Variants in CEBPZOS observed in about 807,000 individuals in gnomAD.
CEBPZOS encodes the protein protein CEBPZOS.
Under a neutral mutation model 4.8 loss-of-function variants are expected in CEBPZOS, and 10 were observed. The observed-to-expected ratio is 2.07, with a 90% CI of 1.28 to 3.52. CEBPZOS has a LOEUF of 3.52. Ranked by LOEUF, CEBPZOS falls within the 30% of genes most tolerant of loss-of-function variation. The pLI, the probability that CEBPZOS is intolerant of heterozygous loss-of-function variation, is 0.00. For missense variants in CEBPZOS, 98 were observed against 43.6 expected (o/e 2.25, Z -3.51); for synonymous variants, 25 against 14.2 (o/e 1.77, Z -1.72).
rs1169764035 is a variant in CEBPZOS, at chr2:37,201,084, T to A, written c.152T>A (p.Ile51Asn). The A allele has an allele frequency of 7.0e-6, 5 of 715,956 alleles. No individual in the cohort carries two copies. The highest frequency in any genetic ancestry group is 3.5e-5 in the African/African-American group (2 of 57,234). The allele number at this position is 715,956 out of a possible 1,614,324, so 44.4% of individuals were successfully genotyped here. The stretch of plus-strand genomic sequence containing the variant: ...ACAATGAGCAAGAAATATCCCTTCA[T>A]CTTGGAAGGTATGTTTTTCCTTAAG... ...RQTMSKKYPF[I>N]LEVYYKSTEK... The change falls in exon 3 of 5, where the codon ATC becomes AAC. Residue 51 changes from isoleucine (I) to asparagine (N), a missense_variant. By Grantham distance (149) the Ile-to-Asn change is moderately radical. Transcript: ENST00000402297.
chr2:37,207,744 C>T (rs1228542429), downstream of CEBPZOS, among the ~76,000 whole-genome samples: 1 of 152,036 alleles, frequency 6.6e-6, no homozygotes, highest in African/African-American at 2.4e-5. Context: ...CCTCAAGGAA[C>T]TAGAGAAACA....
chr2:37,210,616 TG>T lies in CEBPZOS; in HGVS notation c.*3-2815del, dbSNP rs536515218. On this transcript the variant is annotated intron_variant, in intron 4 of 4. Transcript: ENST00000397064. ...AATGATATAATGGACTCTGGGGACT[TG>T]GGGGGAAGAGTGGGAGGCAGTGGGG... 695 of 160,596 alleles carry T rather than the reference TG, an allele frequency of 4.3e-3. 1 individual carries two copies. The highest frequency in any genetic ancestry group is 6.3e-3 in the Non-Finnish European group (466 of 73,804). 9.9% of individuals were successfully genotyped at this position (160,596 alleles called of 1,614,324 possible). A position where few individuals can be genotyped will look rare whatever the true frequency, so the allele number is the denominator to read the frequency against.
chr2:37,208,194 G>C (rs1193304598), downstream of CEBPZOS, among the ~76,000 whole-genome samples: 1 of 152,142 alleles, frequency 6.6e-6, no homozygotes, highest in African/African-American at 2.4e-5. Flanking sequence ...GGACCAGATG[G>C]ATTCACAGCT....
downstream of CEBPZOS, chr2:37,215,035 A>C (rs371564181): frequency 1.2e-6 from 1 of 863,284 alleles, no homozygotes; most frequent in African/African-American, 1.7e-5. Context: ...AATACAGCAT[A>C]ATCTGTAATT....
At chr2:37,214,783 T>C, downstream of CEBPZOS, 2 of 708,248 alleles carry the variant, frequency 2.8e-6, no homozygotes, top group Non-Finnish European at 2.4e-6. Context: ...CACACAGTAG[T>C]AGATTATTGA....
chr2:37,214,956 C>G (rs746626817), downstream of CEBPZOS: 1 of 1,596,074 alleles, frequency 6.3e-7, no homozygotes, highest in Non-Finnish European at 8.6e-7. Context: ...CTGTTCACTA[C>G]AAAAATAAAT....
rs1233129275 is a variant in CEBPZOS, at chr2:37,204,270, A to G, written c.*2410A>G. ...AAGTATGTAACACCATGCCTGGCTA[A>G]TTTTTGATTTTTTTTTTTTTTTTTT... On this transcript the variant is annotated 3_prime_UTR_variant, in exon 5 of 5. Transcript: ENST00000402297. 3.5e-5 allele frequency: 5 copies of G among 142,876 alleles called. No homozygotes were observed. Among genetic ancestry groups the G allele is most frequent in the Non-Finnish European group, 7.5e-5 (5 of 66,432 alleles). The allele number at this position is 142,876 out of a possible 1,614,324, so 8.9% of individuals were successfully genotyped here.
At chr2:37,211,596 G>C (rs939665115) in intron 4 of CEBPZOS, 5 of 437,370 alleles carry the variant, frequency 1.1e-5, no homozygotes, top group Middle Eastern at 5.8e-4. Flanking sequence ...GTATTGTACA[G>C]AGAAGCTAGC....
At chr2:37,209,413 C>G (rs1350555284), downstream of CEBPZOS, 1 of 152,110 alleles carries the variant, frequency 6.6e-6, no homozygotes, top group Non-Finnish European at 1.5e-5. Flanking sequence ...GCTATTGTTA[C>G]CAAAATAGCA....
At chr2:37,216,119 C>A (rs551071308), downstream of CEBPZOS, 2 of 1,556,904 alleles carry the variant, frequency 1.3e-6, no homozygotes, top group African/African-American at 1.4e-5. Context: ...TCAGTTTCAA[C>A]TGTCTAAGGT....
At position 37,198,846 on chromosome 2, in the gene CEBPZOS, T is replaced by C. The variant is rs112083912; in HGVS notation, c.-1-858T>C. On this transcript the variant is annotated intron_variant, in intron 1 of 4. Transcript: ENST00000402297. ...AGTTTCCATCCCCTGCCCCCATTTGTATAAAAATTACTGCGTGTCTGCGAA... is the reference window on the plus strand; with the variant it reads ...AGTTTCCATCCCCTGCCCCCATTTGCATAAAAATTACTGCGTGTCTGCGAA... Among the ~76,000 whole-genome samples, 702 of 152,232 alleles carry C rather than the reference T, an allele frequency of 4.6e-3. 6 individuals carry two copies. Among genetic ancestry groups the C allele is most frequent in the African/African-American group, 0.016 (683 of 41,536 alleles).
intron 1 of CEBPZOS, among the ~76,000 whole-genome samples, chr2:37,199,420 A>G (rs1677103509): frequency 6.6e-6 from 1 of 152,232 alleles, no homozygotes; most frequent in African/African-American, 2.4e-5. Flanking sequence ...ACAATTAAAT[A>G]ATTTTAGTTC....
chr2:37,205,546 G>A (rs922599958), downstream of CEBPZOS, among the ~76,000 whole-genome samples: 12 of 151,910 alleles, frequency 7.9e-5, no homozygotes, highest in African/African-American at 2.7e-4. Flanking sequence ...CTCTCTTTTC[G>A]GACTCAGCCC....
At chr2:37,204,981 T>G (rs1352108527), downstream of CEBPZOS, among the ~76,000 whole-genome samples, 1 of 152,182 alleles carries the variant, frequency 6.6e-6, no homozygotes, top group Non-Finnish European at 1.5e-5. Context: ...AAGCAACACT[T>G]TTCTGTGGGA....
intron 1 of CEBPZOS, among the ~76,000 whole-genome samples, chr2:37,198,881 T>C (rs994290556): frequency 6.6e-6 from 1 of 152,172 alleles, no homozygotes. Flanking sequence ...AAGGGCAGAT[T>C]ACTGGCTCAT....
In CEBPZOS at chr2:37,204,036, T is replaced by C. The variant is rs1677418666; in HGVS notation, c.*2176T>C. On this transcript the variant is annotated 3_prime_UTR_variant, in exon 5 of 5. Transcript: ENST00000402297. ...TCAGAGCCACTTTTGATAAAATAGTTTCTAAAACATTTCATCTTGATTTTT... is the reference window on the plus strand; with the variant it reads ...TCAGAGCCACTTTTGATAAAATAGTCTCTAAAACATTTCATCTTGATTTTT... The C allele has an allele frequency of 6.6e-6, 1 of 152,214 alleles. No individual in the cohort carries two copies. The allele number at this position is 152,214 out of a possible 1,614,324, so 9.4% of individuals were successfully genotyped here.
chr2:37,200,163 G>T (rs951088105), intron 2 of CEBPZOS, among the ~76,000 whole-genome samples: 2 of 152,206 alleles, frequency 1.3e-5, no homozygotes, highest in Admixed American at 1.3e-4. Flanking sequence ...GGTAGACTAA[G>T]AAAGTAACTG....
At chr2:37,214,521 A>T (rs1024136450), downstream of CEBPZOS, among the ~76,000 whole-genome samples, 4 of 152,170 alleles carry the variant, frequency 2.6e-5, no homozygotes, top group African/African-American at 9.6e-5. Flanking sequence ...GAAAATTATT[A>T]TAAAAGGAAA....
chr2:37,210,927 C>A, intron 4 of CEBPZOS: 7 of 961,420 alleles, frequency 7.3e-6, no homozygotes, highest in South Asian at 1.6e-5. Context: ...TAGGAGAGTT[C>A]ATTTCCCAAA....
Sources: gnomAD v4.1 joint callset for allele counts (sites outside exome capture counted in the v4.1 genomes callset) on GRCh38, gnomAD v4.1.1 for gene constraint, MANE v1.5 for transcripts, NCBI Gene and HGNC (gene_info 2026-07-23, HGNC 2026-07-21) for gene names.